TIAM2: variants seen among roughly 807,000 people sequenced by gnomAD.
The protein encoded by TIAM2 is TIAM Rac1 associated GEF 2.
Under a neutral mutation model 152.9 loss-of-function variants are expected in TIAM2, and 80 were observed. That is an observed-to-expected ratio of 0.52 (90% CI 0.44 to 0.63). The LOEUF is 0.63. Ranked by LOEUF, TIAM2 falls within the 30% of genes least tolerant of loss-of-function variation. The probability of loss-of-function intolerance (pLI) is 0.00; values close to 1 mark genes in which losing one functional copy is unlikely to be tolerated. For synonymous variants in TIAM2, 804 were observed against 838.0 expected, an observed-to-expected ratio of 0.96 and a Z score of 0.70; for missense variants, 1,965 against 2,120.1, an observed-to-expected ratio of 0.93 and a Z score of 1.44.
chr6:155,179,534 A>T (rs1415054524), intron 12 of TIAM2, 78 bp downstream of exon 12: 9 of 1,338,318 alleles, frequency 6.7e-6, no homozygotes, highest in Admixed American at 2.5e-5. Flanking sequence ...TTTGGACTTA[A>T]TTTTTTCCCC....
At chr6:155,146,524 A>G (rs1562331739) in intron 6 of TIAM2, among the ~76,000 whole-genome samples, 1 of 152,170 alleles carries the variant, frequency 6.6e-6, no homozygotes. Flanking sequence ...GCTTAGAATC[A>G]TACCCATTTG....
In TIAM2 at chr6:155,256,617, G is replaced by A. The variant is rs745446751; in HGVS notation, c.4602G>A (p.Thr1534=). Reference sequence around the variant, plus strand: ...GCACCCAGAGCAGCGGCTGCCCCACGGCTGAGGGCAGGCAGGACTCCAAGA... The same window carrying A: ...GCACCCAGAGCAGCGGCTGCCCCACAGCTGAGGGCAGGCAGGACTCCAAGA... The part of the protein sequence containing the change: ...SSGTQSSGCP[T]AEGRQDSKST... The change falls in exon 27 of 27, where the codon ACG becomes ACA. Residue 1534 remains threonine (T), a synonymous_variant. Transcript: ENST00000682666. The A allele has an allele frequency of 6.2e-6, 10 of 1,614,038 alleles. No individual in the cohort carries two copies. The highest frequency in any genetic ancestry group is 1.6e-4 in the Middle Eastern group (1 of 6,084).
intron 4 of TIAM2, among the ~76,000 whole-genome samples, chr6:155,133,019 C>T (rs1475396461): frequency 1.3e-5 from 2 of 152,160 alleles, no homozygotes; most frequent in Non-Finnish European, 2.9e-5. Flanking sequence ...TCTGCATTGT[C>T]CAAAAACTTA....
In TIAM2 at chr6:155,200,771, C is replaced by T. The variant is rs914805716; in HGVS notation, c.3065-10433C>T. ...TATAAAAATTAGCTGGGCATGGTGGCGCACACCTGTTGTCTCAGCTACTTG... is the reference window on the plus strand; with the variant it reads ...TATAAAAATTAGCTGGGCATGGTGGTGCACACCTGTTGTCTCAGCTACTTG... On this transcript the variant is annotated intron_variant, in intron 14 of 26. Transcript: ENST00000682666. Among the ~76,000 whole-genome samples the T allele has an allele frequency of 7.2e-5, 11 of 152,018 alleles. No individual in the cohort carries two copies. The South Asian group carries it at 1.0e-3, about 14-fold the overall frequency.
At chr6:155,128,142 T>A (rs548917197) in intron 3 of TIAM2, among the ~76,000 whole-genome samples, 26 of 152,108 alleles carry the variant, frequency 1.7e-4, no homozygotes, top group South Asian at 6.2e-4. Context: ...GAAGTAAGAG[T>A]CTAATATTAA....
chr6:155,130,026 T>A lies in TIAM2; in HGVS notation c.803T>A (p.Leu268Gln), dbSNP rs1779406446. ...GELSEAEGSFLAPGMPDPSLH... is the reference protein window; with the variant it reads ...GELSEAEGSFQAPGMPDPSLH... ...CTGAGCGAGGCTGAGGGCTCCTTCC[T>A]GGCCCCCGGCATGCCTGACCCCAGT... The change falls in exon 4 of 27, where the codon CTG (leucine) becomes CAG (glutamine). Residue 268 changes from leucine to glutamine, a missense_variant. This residue lies in a region of TIAM2 where 1,025 missense variants were observed against 1,119.4 expected (regional missense o/e 0.92). Transcript: ENST00000682666. 1 of 1,614,104 alleles carries A rather than the reference T, an allele frequency of 6.2e-7. No individual in the cohort carries two copies.
At chr6:155,170,085 G>T (rs528167286) in intron 9 of TIAM2, among the ~76,000 whole-genome samples, 1 of 152,088 alleles carries the variant, frequency 6.6e-6, no homozygotes, top group African/African-American at 2.4e-5. Context: ...CCAAAGTGCC[G>T]AGATTACAGG....
chr6:155,159,609 T>C lies in TIAM2; in HGVS notation c.2029-4806T>C, dbSNP rs150777487. On this transcript the variant is annotated intron_variant, in intron 7 of 26. Coordinates refer to ENST00000682666, the MANE Select transcript of TIAM2 (RefSeq NM_012454.4). ...TGTGAATGTTAACAGCCTTTCTAAA[T>C]ACTATAAGGTCTGTTGTGAGCCTTT... 9.2e-5 allele frequency among the ~76,000 whole-genome samples: 14 copies of C among 152,282 alleles called. 1 individual carries two copies. The highest frequency in any genetic ancestry group is 3.9e-4 in the East Asian group (2 of 5,190).
At chr6:155,131,089 G>A (rs192001752) in intron 4 of TIAM2, among the ~76,000 whole-genome samples, 44 of 152,344 alleles carry the variant, frequency 2.9e-4, no homozygotes, top group Middle Eastern at 6.8e-3. Flanking sequence ...AGCCGGTGTG[G>A]CAGCTCATGC....
intron 26 of TIAM2, chr6:155,256,004 T>G (rs887504991): frequency 6.0e-6 from 1 of 167,052 alleles, no homozygotes; most frequent in African/African-American, 3.9e-5. Context: ...AGCAAGACAC[T>G]GTCTTTAAAA....
In TIAM2 at chr6:155,199,216, C is replaced by T. The variant is rs560528858; in HGVS notation, c.3065-11988C>T. Among the ~76,000 whole-genome samples, 10 of 152,216 alleles carry T rather than the reference C, an allele frequency of 6.6e-5. No homozygotes were observed. In the East Asian group the frequency reaches 1.5e-3, roughly 23 times the overall value. Reference sequence around the variant, plus strand: ...TCAGCCTCCTGAGTAGCTGGGACTACAGGCACAAACCACCACACCCAGATG... The same window carrying T: ...TCAGCCTCCTGAGTAGCTGGGACTATAGGCACAAACCACCACACCCAGATG... On this transcript the variant is annotated intron_variant, in intron 14 of 26. Transcript: ENST00000682666.
At chr6:155,139,097 G>T (rs992204628) in intron 5 of TIAM2, among the ~76,000 whole-genome samples, 1 of 152,172 alleles carries the variant, frequency 6.6e-6, no homozygotes, top group South Asian at 2.1e-4. Context: ...AAACCTCATC[G>T]TCAAGTGATG....
chr6:155,203,575 CTTAA>C (rs1313497350), intron 14 of TIAM2, among the ~76,000 whole-genome samples: 1 of 152,138 alleles, frequency 6.6e-6, no homozygotes, highest in Non-Finnish European at 1.5e-5. Context: ...TAGTTGAAAA[CTTAA>C]TTAAACCATT....
intron 15 of TIAM2, among the ~76,000 whole-genome samples, chr6:155,220,255 C>CA (rs1781996411): frequency 6.6e-6 from 1 of 152,216 alleles, no homozygotes; most frequent in African/African-American, 2.4e-5. Flanking sequence ...AAAACTCAGA[C>CA]ATGGGGTGTT....
chr6:155,244,395 A>G lies in TIAM2; in HGVS notation c.3418-263A>G, dbSNP rs78625218. Among the ~76,000 whole-genome samples the G allele has an allele frequency of 3.9e-3, 587 of 152,338 alleles. 5 individuals are homozygous for G. The highest frequency in any genetic ancestry group is 0.013 in the African/African-American group (559 of 41,576). On this transcript the variant is annotated intron_variant, in intron 17 of 26. Transcript: ENST00000682666. ...CACATAATTAGTTCTACTGACTTAC[A>G]TTTTTCTTAATTTGAATTCTGAGAA... is the stretch of plus-strand genomic sequence containing the variant.
chr6:155,038,953 CT>C (rs33971396), intron 1 of TIAM2, among the ~76,000 whole-genome samples: 23,320 of 64,124 alleles, frequency 0.36, 2,816 homozygotes, highest in African/African-American at 0.41. Flanking sequence ...TGAGCATGTC[CT>C]TTTTTTTTTT....
At position 155,256,760 on chromosome 6, in the gene TIAM2, G is replaced by A. The variant is rs1361946022; in HGVS notation, c.4745G>A (p.Gly1582Asp). Residue 1582 changes from glycine to aspartate, a missense_variant, in exon 27 of 27, where the codon GGC becomes GAC. Gly to Asp is a moderately conservative substitution (Grantham distance 94, BLOSUM62 -1). Transcript: ENST00000682666. ...GACCACCGTCAGACTGTGAAGCAGG[G>A]CAGCCCTACTAAAGACATCGAAATT... ...DDDHRQTVKQ[G>D]SPTKDIEIQF... 2 of 1,614,108 alleles carry A rather than the reference G, an allele frequency of 1.2e-6. No individual in the cohort carries two copies. The highest frequency in any genetic ancestry group is 2.2e-5 in the East Asian group (1 of 44,894).
At chr6:155,018,844 G>A (rs574448655) in intron 1 of TIAM2, among the ~76,000 whole-genome samples, 3 of 136,784 alleles carry the variant, frequency 2.2e-5, no homozygotes, top group African/African-American at 8.3e-5. Context: ...TTCGACATCA[G>A]CCTGGCCAGC....
intron 14 of TIAM2, among the ~76,000 whole-genome samples, chr6:155,197,182 A>G (rs1407379692): frequency 2.0e-5 from 3 of 152,224 alleles, no homozygotes. Flanking sequence ...AAACTGCCGA[A>G]TGAAAGGACA....
Sources: allele counts gnomAD v4.1 joint callset (sites outside exome capture counted in the v4.1 genomes callset), GRCh38; gene constraint gnomAD v4.1.1; regional missense constraint gnomAD v4.1.1; transcripts MANE v1.5; gene names NCBI Gene and HGNC (gene_info 2026-07-23, HGNC 2026-07-21).